LRRK1: variants seen among roughly 807,000 people sequenced by gnomAD.
The protein encoded by LRRK1 is leucine-rich repeat serine/threonine-protein kinase 1.
A neutral mutation model predicts 209.1 loss-of-function variants in LRRK1; 113 were observed. That is an observed-to-expected ratio of 0.54 (90% confidence interval 0.46 to 0.63). The LOEUF is 0.63. Ranked by LOEUF, LRRK1 falls within the 30% of genes least tolerant of loss-of-function variation. LRRK1 has a pLI of 0.00. For missense variants in LRRK1, 2,284 were observed against 2,632.2 expected, an observed-to-expected ratio of 0.87 and a Z score of 2.89; for synonymous variants, 1,144 against 1,099.7, an observed-to-expected ratio of 1.04 and a Z score of -0.80.
At chr15:100,954,849 A>C (rs1457818749) in intron 2 of LRRK1, among the ~76,000 whole-genome samples, 2 of 152,184 alleles carry the variant, frequency 1.3e-5, no homozygotes, top group Non-Finnish European at 2.9e-5. Context: ...TCACTGGCCT[A>C]TGTGTCTATT....
intron 4 of LRRK1, among the ~76,000 whole-genome samples, chr15:100,987,334 G>C (rs1302067144): frequency 6.6e-6 from 1 of 152,090 alleles, no homozygotes; most frequent in Admixed American, 6.5e-5. Context: ...GATGCATTTG[G>C]GAAGTGTCCC....
rs527308519 is a variant in LRRK1, at chr15:100,969,175, A to G, written c.98-4629A>G. Among the ~76,000 whole-genome samples, 105 of 152,246 alleles carry G rather than the reference A, an allele frequency of 6.9e-4. 3 individuals carry two copies. In the South Asian group the frequency reaches 0.021, roughly 30 times the overall value. ...CAATTGGATTGTTTGTCTTTTTATT[A>G]TGGAGTTATACGAGTTTTTATATTC... On this transcript the variant is annotated intron_variant, in intron 2 of 33. Coordinates refer to ENST00000388948, the MANE Select transcript of LRRK1 (RefSeq NM_024652.6).
chr15:101,009,725 T>C (rs1269822846), intron 7 of LRRK1, among the ~76,000 whole-genome samples: 2 of 152,112 alleles, frequency 1.3e-5, no homozygotes, highest in Admixed American at 1.3e-4. Flanking sequence ...GTAACTGGGA[T>C]TACAGGCACA....
rs746222542 is a variant in LRRK1 at position 101,055,227 on chromosome 15, C to T, written c.4332+4C>T. On this transcript the variant is annotated splice_donor_region_variant and intron_variant, in intron 27 of 33. Coordinates refer to ENST00000388948, the MANE Select transcript of LRRK1 (RefSeq NM_024652.6). Reference sequence around the variant, plus strand: ...TCGCATTGTATATGATGAGAAGGTACGTGCCTGGATCCCCTGGCCCAGCCC... The same window carrying T: ...TCGCATTGTATATGATGAGAAGGTATGTGCCTGGATCCCCTGGCCCAGCCC... 9.7e-6 allele frequency: 15 copies of T among 1,539,538 alleles called. No individual in the cohort carries two copies. Among genetic ancestry groups the T allele is most frequent in the African/African-American group, 4.1e-5 (3 of 72,760 alleles).
At chr15:100,930,502 C>A (rs2042192512) in intron 2 of LRRK1, among the ~76,000 whole-genome samples, 1 of 152,200 alleles carries the variant, frequency 6.6e-6, no homozygotes, top group Admixed American at 6.5e-5. Context: ...CTCACCAGAG[C>A]CCCAGTCCTC....
At chr15:100,955,819 T>G (rs1482658426) in intron 2 of LRRK1, among the ~76,000 whole-genome samples, 1 of 152,198 alleles carries the variant, frequency 6.6e-6, no homozygotes, top group Non-Finnish European at 1.5e-5. Context: ...GAACCATCCT[T>G]GCTTCCCAGG....
chr15:100,927,670 A>T (rs2042139591), intron 2 of LRRK1, among the ~76,000 whole-genome samples: 1 of 152,158 alleles, frequency 6.6e-6, no homozygotes, highest in African/African-American at 2.4e-5. Context: ...ACACCCCAGA[A>T]AGTTCTGTCC....
chr15:101,012,690 T>C (rs1567232005), intron 10 of LRRK1, among the ~76,000 whole-genome samples: 1 of 152,122 alleles, frequency 6.6e-6, no homozygotes, highest in Non-Finnish European at 1.5e-5. Flanking sequence ...GCCAGGCCAC[T>C]GCCAGGACCC....
intron 2 of LRRK1, among the ~76,000 whole-genome samples, chr15:100,930,377 T>G (rs1016429872): frequency 1.3e-5 from 2 of 152,202 alleles, no homozygotes; most frequent in African/African-American, 2.4e-5. Flanking sequence ...CATACACACC[T>G]GGGTCCACAG....
At chr15:101,042,825 G>T (rs568588929) in intron 20 of LRRK1, among the ~76,000 whole-genome samples, 1 of 152,314 alleles carries the variant, frequency 6.6e-6, no homozygotes, top group Admixed American at 6.5e-5. Flanking sequence ...AAAACCAAGT[G>T]TAGTGTTGGC....
At position 101,061,329 on chromosome 15, in the gene LRRK1, G is replaced by A. The variant is rs763804534; in HGVS notation, c.4797+41G>A. ...AGGCCTGCCCACCGAGGTAAGCACT[G>A]CCCACTGGGTGCAGCCCTGGGTGGG... On this transcript the variant is annotated intron_variant, in intron 30 of 33. Coordinates refer to ENST00000388948, the MANE Select transcript of LRRK1 (RefSeq NM_024652.6). 13 of 1,417,314 alleles carry A rather than the reference G, an allele frequency of 9.2e-6. No individual in the cohort carries two copies. In the African/African-American group the frequency reaches 1.7e-4, roughly 18 times the overall value. The allele number at this position is 1,417,314 out of a possible 1,614,324, so 87.8% of individuals were successfully genotyped here.
At chr15:100,985,452 C>T (rs1294585104) in intron 4 of LRRK1, among the ~76,000 whole-genome samples, 1 of 152,132 alleles carries the variant, frequency 6.6e-6, no homozygotes, top group Non-Finnish European at 1.5e-5. Context: ...ACCTCCTGGC[C>T]AAGCAGGGGA....
rs2042180454 is a variant in LRRK1 at position 100,929,982 on chromosome 15, C to G, written c.97+5253C>G. Among the ~76,000 whole-genome samples the G allele has an allele frequency of 1.3e-5, 2 of 152,226 alleles. 1 individual carries two copies. Among genetic ancestry groups the G allele is most frequent in the East Asian group, 3.8e-4 (2 of 5,204 alleles). ...AAAGCAGAGGCCAGCTACAGATGCT[C>G]CAGGCCCTTGATGAGCCTTTGAACA... On this transcript the variant is annotated intron_variant, in intron 2 of 33. Coordinates refer to ENST00000388948, the MANE Select transcript of LRRK1 (RefSeq NM_024652.6).
intron 29 of LRRK1, among the ~76,000 whole-genome samples, chr15:101,058,640 TTGGGGTTTTGCCA>T (rs2035967086): frequency 9.9e-6 from 1 of 100,716 alleles, no homozygotes; most frequent in South Asian, 2.9e-4. Context: ...CTAAACAGAG[TTGGGGTTTTGCCA>T]AAGGGAGAGA....
At chr15:101,010,931 C>T (rs878274) in intron 9 of LRRK1, 94 bp downstream of exon 9, 744,624 of 1,133,774 alleles carry the variant, frequency 0.66, 246,300 homozygotes, top group East Asian at 0.74. Flanking sequence ...CAGTTCATCC[C>T]CTCAGCAGCG....
chr15:100,939,254 T>A (rs1212762599), intron 2 of LRRK1, among the ~76,000 whole-genome samples: 1 of 152,224 alleles, frequency 6.6e-6, no homozygotes, highest in Non-Finnish European at 1.5e-5. Context: ...TCTTAATTTC[T>A]ATCTTTCTCC....
Position 100,983,900 on chromosome 15 carries a change from T to C in LRRK1, c.433+201T>C. 3 of 740,362 alleles carry C rather than the reference T, an allele frequency of 4.1e-6. No homozygotes were observed. The South Asian group carries it at 4.2e-5, about 10-fold the overall frequency. 45.9% of individuals were successfully genotyped at this position (740,362 alleles called of 1,614,324 possible). A position where few individuals can be genotyped will look rare whatever the true frequency, so the allele number is the denominator to read the frequency against. On this transcript the variant is annotated intron_variant, in intron 4 of 33. Transcript: ENST00000388948. ...TCCCATGAACTCATAAGGGAAATTC[T>C]CAAACACCATATTTCATAAAGAATG... is the stretch of plus-strand genomic sequence containing the variant.
rs753312283 is a variant in LRRK1 at position 101,066,693 on chromosome 15, G to T, written c.5822G>T (p.Arg1941Leu). 1 of 1,614,192 alleles carries T rather than the reference G, an allele frequency of 6.2e-7. No individual in the cohort carries two copies. Among genetic ancestry groups the T allele is most frequent in the East Asian group, 2.2e-5 (1 of 44,884 alleles). The change falls in exon 33 of 34, where the codon CGG becomes CTG. Residue 1941 changes from arginine to leucine, a missense_variant. Around this residue, in one of 6 missense-constraint regions of LRRK1, gnomAD observed 643 missense variants for 695.9 expected, o/e 0.92. Coordinates refer to ENST00000388948, the MANE Select transcript of LRRK1 (RefSeq NM_024652.6). ...CTGGAGAAGGATTCTGGCGCCCAGCGGGGCCGAGTCATTGCCGTCTTAAAA... is the reference window on the plus strand; with the variant it reads ...CTGGAGAAGGATTCTGGCGCCCAGCTGGGCCGAGTCATTGCCGTCTTAAAA... ...IGLEKDSGAQ[R>L]GRVIAVLKAR...
At chr15:101,023,835 A>G (rs534972284) in intron 15 of LRRK1, among the ~76,000 whole-genome samples, 1 of 152,362 alleles carries the variant, frequency 6.6e-6, no homozygotes, top group South Asian at 2.1e-4. Context: ...AAACACGACA[A>G]TCAACGCTAG....
Sources: allele counts gnomAD v4.1 joint callset (sites outside exome capture counted in the v4.1 genomes callset), GRCh38; gene constraint gnomAD v4.1.1; regional missense constraint gnomAD v4.1.1; transcripts MANE v1.5; gene names NCBI Gene and HGNC (gene_info 2026-07-23, HGNC 2026-07-21).